Variants in LTBP1 observed in about 807,000 individuals in gnomAD.
LTBP1 encodes latent transforming growth factor beta binding protein 1, also known as latent-transforming growth factor beta-binding protein 1.
A neutral mutation model predicts 207.6 loss-of-function variants in LTBP1; 129 were observed. That is an observed-to-expected ratio of 0.62 (90% confidence interval 0.54 to 0.72). LTBP1 has a LOEUF of 0.72. LTBP1 is among the 30% of genes least tolerant of loss of function. LTBP1 has a pLI of 0.00. For synonymous variants in LTBP1, 963 were observed against 833.7 expected (o/e 1.16, Z -2.67); for missense variants, 2,281 against 2,217.2 (o/e 1.03, Z -0.58).
intron 5 of LTBP1, among the ~76,000 whole-genome samples, chr2:33,164,434 G>A (rs545107756): frequency 7.3e-5 from 11 of 149,850 alleles, no homozygotes; most frequent in East Asian, 2.0e-4. Flanking sequence ...TTCCCATACC[G>A]GGAACCAAAA....
intron 15 of LTBP1, among the ~76,000 whole-genome samples, chr2:33,264,995 A>T (rs1314086552): frequency 6.6e-6 from 1 of 152,174 alleles, no homozygotes; most frequent in Non-Finnish European, 1.5e-5. Flanking sequence ...GATACCGGGC[A>T]TACCAGCGTC....
chr2:33,178,532 G>A (rs1391362928), intron 5 of LTBP1, among the ~76,000 whole-genome samples: 1 of 149,674 alleles, frequency 6.7e-6, no homozygotes, highest in Non-Finnish European at 1.5e-5. Flanking sequence ...AAAATTTGTG[G>A]TATTTTTGGA....
intron 3 of LTBP1, among the ~76,000 whole-genome samples, chr2:33,091,197 G>T (rs1050957633): frequency 6.6e-5 from 10 of 152,166 alleles, no homozygotes; most frequent in African/African-American, 2.4e-4. Context: ...ATGTTTGCAT[G>T]ACTCTCATTG....
intron 26 of LTBP1, among the ~76,000 whole-genome samples, chr2:33,357,750 T>C (rs1455094354): frequency 2.0e-5 from 3 of 152,170 alleles, no homozygotes; most frequent in African/African-American, 7.2e-5. Flanking sequence ...AATCTGAAAA[T>C]ACTGAAGGAG....
At position 33,092,179 on chromosome 2, in the gene LTBP1, G is replaced by GCA. The variant is rs749016594; in HGVS notation, c.864-18389_864-18388dup. 1.0e-3 allele frequency among the ~76,000 whole-genome samples: 154 copies of GCA among 148,068 alleles called. 1 individual carries two copies. Among genetic ancestry groups the GCA allele is most frequent in the Non-Finnish European group, 3.2e-4 (21 of 66,072 alleles). On this transcript the variant is annotated intron_variant, in intron 3 of 33. Coordinates refer to ENST00000404816, the MANE Select transcript of LTBP1 (RefSeq NM_206943.4). ...TTGTGCTGTGCGTGCACGTGCGCATGCACACACACACACACGCGCACACAC... is the reference window on the plus strand; with the variant it reads ...TTGTGCTGTGCGTGCACGTGCGCATGCACACACACACACACACGCGCACACAC...
At chr2:33,152,861 C>G (rs573496391) in intron 5 of LTBP1, among the ~76,000 whole-genome samples, 2 of 152,314 alleles carry the variant, frequency 1.3e-5, no homozygotes, top group South Asian at 4.1e-4. Flanking sequence ...ACAGCATTAT[C>G]TCTAGCTGAT....
intron 31 of LTBP1, among the ~76,000 whole-genome samples, chr2:33,381,162 G>A (rs2095210130): frequency 1.3e-5 from 2 of 152,118 alleles, no homozygotes; most frequent in South Asian, 2.1e-4. Context: ...TTGCTTGGAT[G>A]TAAGACTTAA....
chr2:33,280,374 A>T (rs371307293), intron 19 of LTBP1, among the ~76,000 whole-genome samples: 3 of 152,234 alleles, frequency 2.0e-5, no homozygotes, highest in Non-Finnish European at 4.4e-5. Flanking sequence ...AATAATTAGG[A>T]TTGAAACAAA....
intron 2 of LTBP1, among the ~76,000 whole-genome samples, chr2:32,968,909 GTGT>G (rs1680397248): frequency 8.2e-6 from 1 of 122,472 alleles, no homozygotes; most frequent in Non-Finnish European, 1.7e-5. Flanking sequence ...TTTAGTGTGT[GTGT>G]GTGTATTTTT....
At chr2:33,244,517 C>G (rs1003224014) in intron 10 of LTBP1, among the ~76,000 whole-genome samples, 2 of 152,186 alleles carry the variant, frequency 1.3e-5, no homozygotes, top group Non-Finnish European at 1.5e-5. Flanking sequence ...CATGTAATCA[C>G]TACAGATCAT....
chr2:33,364,228 G>A lies in LTBP1; in HGVS notation c.4412G>A (p.Cys1471Tyr), dbSNP rs2094958100. The A allele has an allele frequency of 6.2e-7, 1 of 1,613,260 alleles. No individual in the cohort carries two copies. Among genetic ancestry groups the A allele is most frequent in the African/African-American group, 1.3e-5 (1 of 74,862 alleles). ...VKLQCFDMDE[C>Y]QDPSSCIDGQ... Reference sequence around the variant, plus strand: ...TTTTGCTCTTAAGATATGGATGAATGTCAAGACCCCAGTAGTTGTATTGAT... The same window carrying A: ...TTTTGCTCTTAAGATATGGATGAATATCAAGACCCCAGTAGTTGTATTGAT... The change falls in exon 30 of 34, where the codon TGT becomes TAT. Residue 1471 changes from cysteine (C) to tyrosine (Y), a missense_variant. By Grantham distance (194) the Cys-to-Tyr change is radical (BLOSUM62 -2). Transcript: ENST00000404816.
chr2:32,962,614 T>C (rs924872538), intron 2 of LTBP1, among the ~76,000 whole-genome samples: 1 of 152,262 alleles, frequency 6.6e-6, no homozygotes. Flanking sequence ...TAAATGGTTC[T>C]TTTTGTTTTA....
chr2:33,013,873 T>A (rs1164760065), intron 2 of LTBP1, among the ~76,000 whole-genome samples: 1 of 150,822 alleles, frequency 6.6e-6, no homozygotes, highest in East Asian at 2.1e-4. Context: ...GTACTTGACA[T>A]AAAGGCATTA....
At chr2:33,144,754 A>G (rs2082884824) in intron 5 of LTBP1, among the ~76,000 whole-genome samples, 1 of 152,174 alleles carries the variant, frequency 6.6e-6, no homozygotes, top group African/African-American at 2.4e-5. Context: ...GTTGATCTCA[A>G]TTTTGCATCT....
At chr2:33,017,670 G>T (rs1688574670) in intron 2 of LTBP1, among the ~76,000 whole-genome samples, 1 of 152,204 alleles carries the variant, frequency 6.6e-6, no homozygotes, top group Non-Finnish European at 1.5e-5. Context: ...AGGCTGGAGT[G>T]CAGTGGCGCT....
chr2:33,388,693 A>G (rs2095288788), intron 31 of LTBP1, among the ~76,000 whole-genome samples: 1 of 152,218 alleles, frequency 6.6e-6, no homozygotes, highest in African/African-American at 2.4e-5. Flanking sequence ...AATCGTGACT[A>G]CTAAATTTAA....
At chr2:33,182,459 G>A (rs947205613) in intron 5 of LTBP1, among the ~76,000 whole-genome samples, 2 of 151,590 alleles carry the variant, frequency 1.3e-5, no homozygotes, top group Non-Finnish European at 2.9e-5. Context: ...TCAGGAGATC[G>A]AAACCATCCT....
At chr2:33,116,048 T>C (rs1316145711) in intron 4 of LTBP1, among the ~76,000 whole-genome samples, 1 of 152,218 alleles carries the variant, frequency 6.6e-6, no homozygotes, top group South Asian at 2.1e-4. Flanking sequence ...AAGGACTTAC[T>C]AAGATAGATT....
At chr2:33,276,529 G>A (rs886852146) in intron 18 of LTBP1, among the ~76,000 whole-genome samples, 10 of 152,224 alleles carry the variant, frequency 6.6e-5, no homozygotes, top group African/African-American at 2.2e-4. Flanking sequence ...TCACGTTTGT[G>A]TCCAAGTTGC....
Sources: gnomAD v4.1 joint callset for allele counts (sites outside exome capture counted in the v4.1 genomes callset) on GRCh38, gnomAD v4.1.1 for gene constraint, MANE v1.5 for transcripts, NCBI Gene and HGNC (gene_info 2026-07-23, HGNC 2026-07-21) for gene names.